Variants in TMPRSS11F observed in about 807,000 individuals in gnomAD.
The protein encoded by TMPRSS11F is transmembrane serine protease 11F.
In TMPRSS11F, 47 loss-of-function variants were observed where a neutral mutation model predicts 60.2. The observed-to-expected ratio is 0.78, with a 90% confidence interval of 0.62 to 1.00. TMPRSS11F has a LOEUF of 1.00. Among genes scored for constraint, TMPRSS11F ranks in the 50% least tolerant of loss-of-function variants. The pLI, the probability that TMPRSS11F is intolerant of heterozygous loss-of-function variation, is 0.00. For synonymous variants in TMPRSS11F, 166 were observed against 167.3 expected (o/e 0.99, Z 0.06); for missense variants, 519 against 522.9 (o/e 0.99, Z 0.07).
intron 1 of TMPRSS11F, among the ~76,000 whole-genome samples, chr4:68,126,033 C>T (rs541653127): frequency 6.6e-6 from 1 of 152,062 alleles, no homozygotes; most frequent in East Asian, 1.9e-4. Flanking sequence ...GGAAAAAGTA[C>T]AAAATGTTTA....
rs1724749580 is a variant in TMPRSS11F at position 68,128,115 on chromosome 4, G to A, written c.11+1695C>T. 2.0e-5 allele frequency among the ~76,000 whole-genome samples: 3 copies of A among 152,188 alleles called. No individual in the cohort carries two copies. The South Asian group carries it at 6.2e-4, about 32-fold the overall frequency. ...GAGAAAGACAGGGCTTTTGCTAAGA[G>A]GCCATAGTCTATCTGACTAATTCAT... On this transcript the variant is annotated intron_variant, in intron 1 of 9. Transcript: ENST00000356291.
chr4:68,088,061 A>G (rs1723851860), intron 3 of TMPRSS11F, among the ~76,000 whole-genome samples: 1 of 151,976 alleles, frequency 6.6e-6, no homozygotes, highest in South Asian at 2.1e-4. Flanking sequence ...AGCATTTCTT[A>G]TGGCTGCTTA....
chr4:68,120,406 T>TTTTTG (rs1724602118), intron 1 of TMPRSS11F, among the ~76,000 whole-genome samples: 1 of 73,116 alleles, frequency 1.4e-5, no homozygotes, highest in South Asian at 4.9e-4. Context: ...TTTTTTTTTT[T>TTTTTG]GAGACGGAGT....
chr4:68,078,376 C>T (rs1723629514), intron 3 of TMPRSS11F, among the ~76,000 whole-genome samples: 1 of 152,176 alleles, frequency 6.6e-6, no homozygotes, highest in African/African-American at 2.4e-5. Flanking sequence ...TTGCCCTCCT[C>T]AAAGTTGAAC....
At chr4:68,124,803 C>T (rs551415367) in intron 1 of TMPRSS11F, among the ~76,000 whole-genome samples, 1 of 152,186 alleles carries the variant, frequency 6.6e-6, no homozygotes, top group South Asian at 2.1e-4. Context: ...TCTAGACACA[C>T]CCTACACTCC....
intron 1 of TMPRSS11F, among the ~76,000 whole-genome samples, chr4:68,112,373 T>C (rs1403719955): frequency 6.6e-6 from 1 of 152,184 alleles, no homozygotes; most frequent in East Asian, 1.9e-4. Flanking sequence ...ATGGACCTTT[T>C]CTGAATCCCT....
intron 3 of TMPRSS11F, chr4:68,077,465 A>G (rs1379648707): frequency 6.6e-6 from 1 of 152,276 alleles, no homozygotes; most frequent in Admixed American, 6.5e-5. Context: ...CTCTGCAGCC[A>G]GAACAGGAAT....
intron 2 of TMPRSS11F, among the ~76,000 whole-genome samples, chr4:68,092,649 T>G (rs1490198973): frequency 6.6e-6 from 1 of 152,144 alleles, no homozygotes; most frequent in Admixed American, 6.6e-5. Context: ...TATATTATCT[T>G]ATTAAATTTA....
chr4:68,090,089 C>T (rs1483902716), intron 3 of TMPRSS11F, among the ~76,000 whole-genome samples: 3 of 151,978 alleles, frequency 2.0e-5, no homozygotes, highest in Non-Finnish European at 1.5e-5. Flanking sequence ...TAAGTCATAA[C>T]TAGATCTAAG....
At chr4:68,067,250 T>A (rs1164855663) in intron 7 of TMPRSS11F, among the ~76,000 whole-genome samples, 1 of 152,244 alleles carries the variant, frequency 6.6e-6, no homozygotes, top group Admixed American at 6.5e-5. Context: ...AGTTTAAAAA[T>A]TTACTGCATC....
At chr4:68,071,785 A>G (rs1319504155) in intron 5 of TMPRSS11F, among the ~76,000 whole-genome samples, 1 of 152,166 alleles carries the variant, frequency 6.6e-6, no homozygotes, top group Non-Finnish European at 1.5e-5. Context: ...AAGTGATGAA[A>G]AATAGTTTTA....
intron 9 of TMPRSS11F, among the ~76,000 whole-genome samples, chr4:68,056,565 G>A (rs1033975450): frequency 9.9e-5 from 15 of 151,960 alleles, no homozygotes; most frequent in South Asian, 6.2e-4. Flanking sequence ...GATACTCCAT[G>A]TTTATGGATT....
chr4:68,123,523 C>A (rs1486970003), intron 1 of TMPRSS11F, among the ~76,000 whole-genome samples: 1 of 152,164 alleles, frequency 6.6e-6, no homozygotes, highest in Non-Finnish European at 1.5e-5. Flanking sequence ...ATATGATATA[C>A]AAGCTATGAA....
chr4:68,119,713 C>A (rs897756764), intron 1 of TMPRSS11F, among the ~76,000 whole-genome samples: 6 of 152,186 alleles, frequency 3.9e-5, no homozygotes, highest in African/African-American at 1.4e-4. Context: ...TATTACTGCT[C>A]ATAGACAATG....
intron 1 of TMPRSS11F, among the ~76,000 whole-genome samples, chr4:68,120,537 C>T (rs28764925): frequency 0.31 from 46,710 of 150,600 alleles, 7,404 homozygotes; most frequent in East Asian, 0.48. Context: ...TACAGGCGCC[C>T]GCCACTACGC....
At position 68,060,019 on chromosome 4, in the gene TMPRSS11F, G is replaced by C. The variant is rs73825364; in HGVS notation, c.1016-551C>G. The stretch of plus-strand genomic sequence containing the variant: ...AGAACAGGGCTGGGTGTTAGGAGGA[G>C]AGGATACTGCACAGTTGAATATCGA... On this transcript the variant is annotated intron_variant, in intron 8 of 9. Transcript: ENST00000356291. 9.1e-3 allele frequency among the ~76,000 whole-genome samples: 1,379 copies of C among 152,220 alleles called. 27 individuals carry two copies. The highest frequency in any genetic ancestry group is 0.032 in the African/African-American group (1,310 of 41,522).
intron 8 of TMPRSS11F, 100 bp from the exon 9 acceptor site, chr4:68,059,568 T>C: frequency 1.7e-6 from 2 of 1,183,128 alleles, no homozygotes; most frequent in African/African-American, 1.5e-5. Context: ...AAGCCAAAGA[T>C]TATTTTATTA....
At chr4:68,090,311 T>C (rs1399094996) in intron 3 of TMPRSS11F, among the ~76,000 whole-genome samples, 1 of 152,102 alleles carries the variant, frequency 6.6e-6, no homozygotes, top group African/African-American at 2.4e-5. Flanking sequence ...AGTTGCCTAC[T>C]CTAATCTACT....
In TMPRSS11F at chr4:68,069,144, G is replaced by A. The variant is rs180671879; in HGVS notation, c.554-325C>T. Among the ~76,000 whole-genome samples the A allele has an allele frequency of 3.3e-4, 50 of 152,264 alleles. No individual in the cohort carries two copies. In the East Asian group the frequency reaches 9.3e-3, roughly 28 times the overall value. On this transcript the variant is annotated intron_variant, in intron 6 of 9. Coordinates refer to ENST00000356291, the MANE Select transcript of TMPRSS11F (RefSeq NM_207407.2). ...ATTTATAGAAACATACCTTTTAGAT[G>A]AGAAAATTAAGCCTTGAAGAGGGAA...
Sources: gnomAD v4.1 joint callset for allele counts (sites outside exome capture counted in the v4.1 genomes callset) on GRCh38, gnomAD v4.1.1 for gene constraint, MANE v1.5 for transcripts, NCBI Gene and HGNC (gene_info 2026-07-23, HGNC 2026-07-21) for gene names.